The following SPAG16 variants were observed in gnomAD, a reference collection of about 807,000 sequenced individuals.
SPAG16 encodes the protein sperm-associated antigen 16 protein.
A neutral mutation model predicts 80.4 loss-of-function variants in SPAG16; 86 were observed. That is an observed-to-expected ratio of 1.07 (90% confidence interval 0.90 to 1.28). The LOEUF (loss-of-function observed/expected upper bound fraction) is 1.28, where lower values mean the gene tolerates loss of function less well. SPAG16 is among the 50% of genes most tolerant of loss of function. SPAG16 has a pLI of 0.00. For missense variants in SPAG16, 870 were observed against 765.3 expected (o/e 1.14, Z -1.61); for synonymous variants, 294 against 265.9 (o/e 1.11, Z -1.03).
intron 10 of SPAG16, among the ~76,000 whole-genome samples, chr2:213,634,721 A>C (rs2062292911): frequency 6.6e-6 from 1 of 152,146 alleles, no homozygotes; most frequent in South Asian, 2.1e-4. Context: ...TGTACACTGT[A>C]CCCAAGATGT....
intron 9 of SPAG16, among the ~76,000 whole-genome samples, chr2:213,381,825 T>G (rs1575435505): frequency 6.6e-6 from 1 of 152,200 alleles, no homozygotes; most frequent in East Asian, 1.9e-4. Context: ...GCCAGACTGA[T>G]AGCCACTGCC....
chr2:213,664,194 T>C (rs1006274730), intron 10 of SPAG16, among the ~76,000 whole-genome samples: 1 of 152,072 alleles, frequency 6.6e-6, no homozygotes, highest in Non-Finnish European at 1.5e-5. Flanking sequence ...GGTATCCACT[T>C]TATAGGAGCC....
chr2:214,102,813 G>A (rs1002000768), intron 13 of SPAG16, among the ~76,000 whole-genome samples: 1 of 152,048 alleles, frequency 6.6e-6, no homozygotes, highest in African/African-American at 2.4e-5. Context: ...AACAGGAAGA[G>A]GAGTTTATTT....
intron 15 of SPAG16, among the ~76,000 whole-genome samples, chr2:214,193,530 C>G (rs1053440655): frequency 6.6e-5 from 10 of 151,522 alleles, no homozygotes; most frequent in Non-Finnish European, 7.4e-5. Flanking sequence ...ATAAAAGGTC[C>G]TGGCAGTAAT....
intron 13 of SPAG16, among the ~76,000 whole-genome samples, chr2:214,062,409 A>G (rs924166155): frequency 3.3e-5 from 4 of 120,880 alleles, no homozygotes; most frequent in Non-Finnish European, 6.5e-5. Context: ...GCAGAGCACG[A>G]CTCTGACTCA....
intron 10 of SPAG16, among the ~76,000 whole-genome samples, chr2:213,732,886 T>G (rs911103020): frequency 2.6e-5 from 4 of 152,212 alleles, no homozygotes; most frequent in Admixed American, 2.6e-4. Flanking sequence ...TTTGTGTGTA[T>G]ATACCCAGTA....
chr2:213,493,356 A>G (rs532045381), intron 10 of SPAG16, among the ~76,000 whole-genome samples: 1 of 152,368 alleles, frequency 6.6e-6, no homozygotes, highest in Admixed American at 6.5e-5. Context: ...ATAAATGCAT[A>G]TTAAAATCCA....
At chr2:213,991,890 T>TATTTATTTATTC (rs1048402996) in intron 12 of SPAG16, among the ~76,000 whole-genome samples, 21 of 151,552 alleles carry the variant, frequency 1.4e-4, no homozygotes, top group South Asian at 8.4e-4. Context: ...TTTATTTATT[T>TATTTATTTATTC]ATTCTTGTTT....
chr2:213,819,722 C>G (rs2072810680), intron 10 of SPAG16, among the ~76,000 whole-genome samples: 1 of 150,976 alleles, frequency 6.6e-6, no homozygotes. Context: ...TTTGTTTGGT[C>G]TTGTTGTTTT....
At chr2:213,342,594 GA>G (rs2064757340) in intron 6 of SPAG16, among the ~76,000 whole-genome samples, 1 of 151,652 alleles carries the variant, frequency 6.6e-6, no homozygotes, top group South Asian at 2.1e-4. Flanking sequence ...ATACTGCTAT[GA>G]AAATATAGAA....
intron 15 of SPAG16, among the ~76,000 whole-genome samples, chr2:214,211,164 G>T (rs1471925822): frequency 6.6e-6 from 1 of 151,484 alleles, no homozygotes; most frequent in Non-Finnish European, 1.5e-5. Flanking sequence ...TTAGTAAAGA[G>T]GCAAAAAAAA....
At chr2:214,240,716 C>A (rs1399828327) in intron 15 of SPAG16, 1 of 151,970 alleles carries the variant, frequency 6.6e-6, no homozygotes, top group Non-Finnish European at 1.5e-5. Flanking sequence ...TAAAAATCAT[C>A]TAAGATTATA....
intron 10 of SPAG16, among the ~76,000 whole-genome samples, chr2:213,491,109 C>T (rs1013774545): frequency 3.3e-5 from 5 of 152,136 alleles, no homozygotes; most frequent in Non-Finnish European, 7.4e-5. Context: ...ATACTTCTGT[C>T]ATAACCAAAA....
Position 213,526,950 on chromosome 2 carries a change from GAGA to G in SPAG16, c.1070+36866_1070+36868del, listed in dbSNP as rs2075907350. On this transcript the variant is annotated intron_variant, in intron 10 of 15. Transcript: ENST00000331683. ...TCTCTAGGCTGGTTTGTGTTTTCCA[GAGA>G]AGAAGGATCCAGTGCTCTGCTTTGG... Among the ~76,000 whole-genome samples the G allele has an allele frequency of 2.6e-5, 4 of 152,186 alleles. No individual in the cohort carries two copies. In the South Asian group the frequency reaches 6.2e-4, roughly 24 times the overall value.
chr2:213,645,976 C>T (rs566096363), intron 10 of SPAG16, among the ~76,000 whole-genome samples: 1 of 152,138 alleles, frequency 6.6e-6, no homozygotes, highest in South Asian at 2.1e-4. Flanking sequence ...TTAAAGGTTC[C>T]CTCAGTGGGC....
At chr2:213,624,275 A>G (rs1449627658) in intron 10 of SPAG16, among the ~76,000 whole-genome samples, 1 of 152,178 alleles carries the variant, frequency 6.6e-6, no homozygotes, top group Non-Finnish European at 1.5e-5. Context: ...GAAAAAGCAA[A>G]GTAACAATAC....
At chr2:213,299,578 A>C (rs1195287417) in intron 3 of SPAG16, among the ~76,000 whole-genome samples, 1 of 151,992 alleles carries the variant, frequency 6.6e-6, no homozygotes, top group Non-Finnish European at 1.5e-5. Flanking sequence ...ACACTGGGCC[A>C]AGTTCTTATG....
chr2:213,581,077 A>G (rs1476471542), intron 10 of SPAG16, among the ~76,000 whole-genome samples: 1 of 152,150 alleles, frequency 6.6e-6, no homozygotes, highest in Non-Finnish European at 1.5e-5. Context: ...GTTAAAACCC[A>G]GAGACACAGA....
intron 15 of SPAG16, among the ~76,000 whole-genome samples, chr2:214,217,431 C>A (rs1402031595): frequency 6.6e-6 from 1 of 152,148 alleles, no homozygotes; most frequent in East Asian, 1.9e-4. Flanking sequence ...CCTATGTGAC[C>A]CCCTCTGACT....
Sources: gnomAD v4.1 joint callset for allele counts (sites outside exome capture counted in the v4.1 genomes callset) on GRCh38, gnomAD v4.1.1 for gene constraint, MANE v1.5 for transcripts, NCBI Gene and HGNC (gene_info 2026-07-23, HGNC 2026-07-21) for gene names.